The following SCP2 variants were observed in gnomAD, a reference collection of about 807,000 sequenced individuals.
SCP2 encodes SCP-2/3-oxoacyl-CoA thiolase.
A neutral mutation model predicts 71.4 loss-of-function variants in SCP2; 48 were observed. The ratio of observed to expected loss-of-function variants is 0.67; its 90% confidence interval spans 0.53 to 0.86. The LOEUF is 0.86. Among genes scored for constraint, SCP2 ranks in the 40% least tolerant of loss-of-function variants. The pLI is 0.00. For synonymous variants in SCP2, 220 were observed against 218.1 expected (o/e 1.01, Z -0.08); for missense variants, 560 against 655.6 (o/e 0.85, Z 1.59).
intron 6 of SCP2, among the ~76,000 whole-genome samples, chr1:52,966,979 G>A (rs1261813828): frequency 7.9e-5 from 12 of 152,112 alleles, no homozygotes; most frequent in Non-Finnish European, 1.5e-5. Context: ...CCTGAGGTCA[G>A]GAGTTCGAGA....
intron 13 of SCP2, among the ~76,000 whole-genome samples, chr1:53,029,354 C>T (rs1243677691): frequency 6.6e-6 from 1 of 151,486 alleles, no homozygotes; most frequent in Non-Finnish European, 1.5e-5. Flanking sequence ...GCCTTGAGCC[C>T]CTGGGCTCAA....
At chr1:53,037,928 AC>A (rs1351886171) in intron 13 of SCP2, among the ~76,000 whole-genome samples, 60 of 126,348 alleles carry the variant, frequency 4.7e-4, no homozygotes, top group Admixed American at 8.6e-4. Flanking sequence ...ACACACACAC[AC>A]AGATCCAGAT....
At chr1:53,033,604 C>CA (rs59576285) in intron 13 of SCP2, among the ~76,000 whole-genome samples, 1,486 of 78,788 alleles carry the variant, frequency 0.019, 12 homozygotes, top group East Asian at 0.028. Flanking sequence ...AACTCCATTT[C>CA]AAAAAAAAAA....
intron 6 of SCP2, chr1:52,963,670 C>T (rs1357348276): frequency 6.6e-6 from 1 of 152,130 alleles, no homozygotes; most frequent in Non-Finnish European, 1.5e-5. Context: ...TGTTGCGTGC[C>T]TCACACATCT....
intron 1 of SCP2, among the ~76,000 whole-genome samples, chr1:52,935,586 T>TC (rs1653654669): frequency 3.3e-5 from 2 of 60,562 alleles, no homozygotes; most frequent in African/African-American, 5.3e-5. Context: ...CGAGACTCAG[T>TC]CAAAAAAAAA....
chr1:53,027,881 T>A, intron 12 of SCP2, 88 bp from the exon 13 acceptor site: 1 of 740,924 alleles, frequency 1.3e-6, no homozygotes. Flanking sequence ...TTAGGGTTTT[T>A]GAAAATTTTG....
At chr1:52,974,598 A>G (rs1657783518) in intron 6 of SCP2, among the ~76,000 whole-genome samples, 171 bp from the exon 7 acceptor site, 2 of 152,228 alleles carry the variant, frequency 1.3e-5, no homozygotes, top group Admixed American at 1.3e-4. Flanking sequence ...CCCACATTTA[A>G]TTATAAATAA....
rs116807594 is a variant in SCP2 at position 52,980,694 on chromosome 1, G to C, written c.973+151G>C. 1.4e-5 allele frequency: 11 copies of C among 768,516 alleles called. No individual in the cohort carries two copies. In the African/African-American group the frequency reaches 1.6e-4, roughly 11 times the overall value. The allele number at this position is 768,516 out of a possible 1,614,324, so 47.6% of individuals were successfully genotyped here. A position where few individuals can be genotyped will look rare whatever the true frequency, so the allele number is the denominator to read the frequency against. On this transcript the variant is annotated intron_variant, in intron 10 of 15. Transcript: ENST00000371514. ...ATGAATGTAAGCTGTTTTGGTAGTG[G>C]ACGTTTTAGAACTTGTGGTATTAGG...
At chr1:52,948,112 T>TAAA (rs1654967072) in intron 3 of SCP2, 32 bp downstream of exon 3, 1 of 1,412,264 alleles carries the variant, frequency 7.1e-7, no homozygotes, top group Admixed American at 1.7e-5. Flanking sequence ...CTAAAATTTT[T>TAAA]TTACCTAAAT....
intron 11 of SCP2, among the ~76,000 whole-genome samples, chr1:52,990,401 T>A (rs1194486864): frequency 3.9e-5 from 6 of 152,130 alleles, no homozygotes; most frequent in African/African-American, 1.2e-4. Flanking sequence ...AACTAGCTAT[T>A]TTAAATATAT....
Position 52,942,667 on chromosome 1 carries a change from G to T in SCP2, c.127+814G>T, listed in dbSNP as rs1410328486. On this transcript the variant is annotated intron_variant, in intron 2 of 15. Transcript: ENST00000371514. Reference sequence around the variant, plus strand: ...TTAATTATTTTTAAAAAATCCAAATGCTGGCATTGCCAGAAAAATTTAACA... The same window carrying T: ...TTAATTATTTTTAAAAAATCCAAATTCTGGCATTGCCAGAAAAATTTAACA... Among the ~76,000 whole-genome samples the T allele has an allele frequency of 1.3e-4, 19 of 148,242 alleles. 1 individual carries two copies. The highest frequency in any genetic ancestry group is 1.2e-3 in the Admixed American group (18 of 14,848).
intron 11 of SCP2, chr1:52,995,061 G>A: frequency 1.2e-5 from 6 of 497,580 alleles, no homozygotes; most frequent in Non-Finnish European, 4.0e-6. Flanking sequence ...GGGCCAAGCT[G>A]GTTGATTCAG....
chr1:52,934,482 A>G (rs1008360522), intron 1 of SCP2, among the ~76,000 whole-genome samples: 1 of 148,264 alleles, frequency 6.7e-6, no homozygotes, highest in South Asian at 2.3e-4. Context: ...CCACTCATTT[A>G]TGGATCCATT....
intron 2 of SCP2, among the ~76,000 whole-genome samples, chr1:52,945,433 G>A (rs1199911578): frequency 6.6e-6 from 1 of 152,162 alleles, no homozygotes; most frequent in African/African-American, 2.4e-5. Context: ...CAGGTGTGGT[G>A]ACTCATGCCT....
At chr1:52,941,378 C>G (rs1281371615) in intron 1 of SCP2, among the ~76,000 whole-genome samples, 1 of 152,054 alleles carries the variant, frequency 6.6e-6, no homozygotes, top group Non-Finnish European at 1.5e-5. Context: ...TTATTAGAGT[C>G]TAATAATAAT....
At chr1:53,021,208 C>T (rs1489297160) in intron 12 of SCP2, among the ~76,000 whole-genome samples, 1 of 151,988 alleles carries the variant, frequency 6.6e-6, no homozygotes, top group African/African-American at 2.4e-5. Flanking sequence ...AGGGTTTCAC[C>T]ATGTCGCCCA....
chr1:52,965,012 AAAACAAAC>A (rs201634217), intron 6 of SCP2, among the ~76,000 whole-genome samples: 3,387 of 152,034 alleles, frequency 0.022, 48 homozygotes, highest in Middle Eastern at 0.038. Flanking sequence ...CTCCATCTCA[AAAACAAAC>A]AAACAAACAA....
At chr1:52,942,311 T>C (rs1654328728) in intron 2 of SCP2, among the ~76,000 whole-genome samples, 1 of 152,192 alleles carries the variant, frequency 6.6e-6, no homozygotes, top group South Asian at 2.1e-4. Context: ...ACTGCATGAC[T>C]AAAGGAGGTG....
intron 5 of SCP2, among the ~76,000 whole-genome samples, 169 bp downstream of exon 5, chr1:52,954,973 T>C (rs966150641): frequency 6.6e-6 from 1 of 152,242 alleles, no homozygotes; most frequent in African/African-American, 2.4e-5. Flanking sequence ...TGTTCAAGGA[T>C]ATGAGATTAT....
Sources: gnomAD v4.1 joint callset for allele counts (sites outside exome capture counted in the v4.1 genomes callset) on GRCh38, gnomAD v4.1.1 for gene constraint, MANE v1.5 for transcripts, NCBI Gene and HGNC (gene_info 2026-07-23, HGNC 2026-07-21) for gene names.